NR3C1: variants seen among roughly 807,000 people sequenced by gnomAD.
NR3C1 encodes glucocorticoid receptor.
A neutral mutation model predicts 74.0 loss-of-function variants in NR3C1; 14 were observed. The observed-to-expected ratio is 0.19, with a 90% CI of 0.12 to 0.30. The LOEUF (loss-of-function observed/expected upper bound fraction) is 0.30. Among genes scored for constraint, NR3C1 ranks in the 10% least tolerant of loss-of-function variants. The probability of loss-of-function intolerance (pLI) is 1.00; values close to 1 mark genes in which losing one functional copy is unlikely to be tolerated. For missense variants in NR3C1, 695 were observed against 909.8 expected, an observed-to-expected ratio of 0.76 and a Z score of 3.04; for synonymous variants, 308 against 332.5, an observed-to-expected ratio of 0.93 and a Z score of 0.80.
exon 1 of NR3C1, chr5:143,435,469 G>C (rs912587225): frequency 1.0e-6 from 1 of 985,386 alleles, no homozygotes; most frequent in African/African-American, 1.7e-5. Context: ...AGAAGAGGAA[G>C]AGGTACCTTT....
At chr5:143,403,164 C>G (rs1840672007) in intron 1 of NR3C1, 47 bp downstream of exon 1, 1 of 984,572 alleles carries the variant, frequency 1.0e-6, no homozygotes, top group African/African-American at 1.8e-5. Context: ...CCAGCGGCAC[C>G]TCGGGGGAGC....
At chr5:143,327,281 A>G (rs1368111549) in intron 2 of NR3C1, among the ~76,000 whole-genome samples, 1 of 151,966 alleles carries the variant, frequency 6.6e-6, no homozygotes, top group Non-Finnish European at 1.5e-5. Flanking sequence ...TCTCCTGAGA[A>G]CTCCCTATCA....
intron 2 of NR3C1, among the ~76,000 whole-genome samples, chr5:143,316,264 T>C (rs1004997815): frequency 6.6e-6 from 1 of 152,198 alleles, no homozygotes; most frequent in African/African-American, 2.4e-5. Context: ...CTCTGGCTTC[T>C]ATTCTGAAGA....
intron 2 of NR3C1, among the ~76,000 whole-genome samples, chr5:143,368,789 CTG>C (rs1299453217): frequency 1.3e-5 from 2 of 152,000 alleles, no homozygotes; most frequent in African/African-American, 4.8e-5. Flanking sequence ...ATACGTGAGA[CTG>C]TGTAATTTAT....
chr5:143,310,277 C>T lies in NR3C1; in HGVS notation c.1352-64G>A, dbSNP rs1436305760. 2.4e-5 allele frequency: 28 copies of T among 1,168,656 alleles called. No homozygotes were observed. The Admixed American group carries it at 4.6e-4, about 19-fold the overall frequency. The allele number at this position is 1,168,656 out of a possible 1,614,324, so 72.4% of individuals were successfully genotyped here. ...CTTCAAACATATTTTATAAGGACAGCCTCTGTCTTTGTTTCCGGTGGAATA... is the reference window on the plus strand; with the variant it reads ...CTTCAAACATATTTTATAAGGACAGTCTCTGTCTTTGTTTCCGGTGGAATA... On this transcript the variant is annotated intron_variant, in intron 3 of 8. Transcript: ENST00000394464.
intron 1 of NR3C1, chr5:143,402,892 A>T: frequency 1.2e-5 from 11 of 950,326 alleles, no homozygotes; most frequent in Non-Finnish European, 1.4e-5. Flanking sequence ...AGGGGGAGAA[A>T]AGAGGCCAGG....
intron 2 of NR3C1, among the ~76,000 whole-genome samples, chr5:143,337,628 T>A (rs1827393209): frequency 6.6e-6 from 1 of 152,184 alleles, no homozygotes; most frequent in South Asian, 2.1e-4. Context: ...ATCTTATCTC[T>A]GAGGATATAA....
intron 2 of NR3C1, among the ~76,000 whole-genome samples, chr5:143,367,052 A>C (rs1430729731): frequency 6.6e-6 from 1 of 152,206 alleles, no homozygotes; most frequent in East Asian, 1.9e-4. Context: ...GTATATAAAA[A>C]GGATTATAAA....
chr5:143,390,531 T>C (rs973789646), intron 2 of NR3C1, among the ~76,000 whole-genome samples: 1 of 152,182 alleles, frequency 6.6e-6, no homozygotes, highest in Non-Finnish European at 1.5e-5. Context: ...TAAACACTTA[T>C]TTAAAAAATC....
chr5:143,314,962 T>C (rs1423415186), intron 2 of NR3C1, among the ~76,000 whole-genome samples: 1 of 152,236 alleles, frequency 6.6e-6, no homozygotes, highest in Non-Finnish European at 1.5e-5. Flanking sequence ...GTGAATCTGC[T>C]TCTCTTACTA....
At chr5:143,353,824 A>G (rs969878878) in intron 2 of NR3C1, among the ~76,000 whole-genome samples, 1 of 152,186 alleles carries the variant, frequency 6.6e-6, no homozygotes, top group South Asian at 2.1e-4. Context: ...GCTTCAACTT[A>G]AAGTCACCAA....
intron 2 of NR3C1, among the ~76,000 whole-genome samples, chr5:143,351,300 A>G (rs1054890463): frequency 1.3e-5 from 2 of 152,180 alleles, no homozygotes; most frequent in African/African-American, 2.4e-5. Flanking sequence ...AGTAAAACCC[A>G]AACCTCTTAG....
intron 2 of NR3C1, among the ~76,000 whole-genome samples, chr5:143,355,517 A>G (rs979886740): frequency 6.6e-6 from 1 of 152,098 alleles, no homozygotes; most frequent in South Asian, 2.1e-4. Context: ...CTAATGGGGG[A>G]AAAACTCCAA....
chr5:143,422,771 T>C (rs1360350707), intron 1 of NR3C1, among the ~76,000 whole-genome samples: 3 of 152,204 alleles, frequency 2.0e-5, no homozygotes, highest in Non-Finnish European at 4.4e-5. Context: ...CCACGCAGTC[T>C]ATGGGATTCT....
intron 1 of NR3C1, among the ~76,000 whole-genome samples, chr5:143,432,724 T>G (rs957180479): frequency 2.0e-5 from 3 of 152,186 alleles, no homozygotes; most frequent in Non-Finnish European, 4.4e-5. Context: ...TTACAGCTAT[T>G]TCAAGGAGCT....
intron 2 of NR3C1, among the ~76,000 whole-genome samples, chr5:143,356,306 A>G (rs967082293): frequency 2.6e-5 from 4 of 152,176 alleles, no homozygotes; most frequent in Non-Finnish European, 5.9e-5. Context: ...AAATTGTTTT[A>G]AATAACCAAT....
In NR3C1 at chr5:143,295,503, A is replaced by G. The variant is rs144950009; in HGVS notation, c.1980T>C (p.Tyr660=). 4.3e-6 allele frequency: 7 copies of G among 1,613,288 alleles called. No individual in the cohort carries two copies. Among genetic ancestry groups the G allele is most frequent in the African/African-American group, 1.3e-5 (1 of 75,006 alleles). Residue 660 remains tyrosine (Y), a synonymous_variant, in exon 7 of 9, where the codon TAT becomes TAC. Transcript: ENST00000394464. ...SSELHRLQVS[Y]EEYLCMKTLL... is the part of the protein sequence containing the mutation. The stretch of plus-strand genomic sequence containing the variant: ...AGGTTTTCATACAGAGATACTCTTC[A>G]TAAGATACCTGAAGCCTGTGTAACT...
At chr5:143,410,793 T>C (rs1841265230) in intron 1 of NR3C1, among the ~76,000 whole-genome samples, 1 of 152,146 alleles carries the variant, frequency 6.6e-6, no homozygotes, top group Non-Finnish European at 1.5e-5. Context: ...AAATGAAAAT[T>C]ATCATTGTCT....
intron 2 of NR3C1, among the ~76,000 whole-genome samples, chr5:143,320,868 C>T (rs1823215864): frequency 6.6e-6 from 1 of 152,048 alleles, no homozygotes; most frequent in Non-Finnish European, 1.5e-5. Context: ...GTCTTGAGAC[C>T]CCAAGCACTC....
Sources: allele counts gnomAD v4.1 joint callset (sites outside exome capture counted in the v4.1 genomes callset), GRCh38; gene constraint gnomAD v4.1.1; transcripts MANE v1.5; gene names NCBI Gene and HGNC (gene_info 2026-07-23, HGNC 2026-07-21).